DLG2: variants seen among roughly 807,000 people sequenced by gnomAD.
DLG2 encodes discs large MAGUK scaffold protein 2, also known as disks large homolog 2.
A neutral mutation model predicts 132.5 loss-of-function variants in DLG2; 45 were observed. The ratio of observed to expected loss-of-function variants is 0.34; its 90% confidence interval spans 0.27 to 0.44. The LOEUF (loss-of-function observed/expected upper bound fraction) is 0.44. Among genes scored for constraint, DLG2 ranks in the 20% least tolerant of loss-of-function variants. The pLI is 1.00. For synonymous variants in DLG2, 424 were observed against 419.6 expected, an observed-to-expected ratio of 1.01 and a Z score of -0.13; for missense variants, 1,045 against 1,196.9, an observed-to-expected ratio of 0.87 and a Z score of 1.87.
At chr11:83,655,192 A>C (rs1679933175) in intron 18 of DLG2, among the ~76,000 whole-genome samples, 1 of 152,230 alleles carries the variant, frequency 6.6e-6, no homozygotes, top group South Asian at 2.1e-4. Flanking sequence ...TAAAAACATA[A>C]TCTTAACACC....
intron 6 of DLG2, among the ~76,000 whole-genome samples, chr11:85,070,750 T>TCCCA (rs1462903728): frequency 6.6e-6 from 1 of 151,806 alleles, no homozygotes; most frequent in East Asian, 1.9e-4. Context: ...ATGAATCCTC[T>TCCCA]CCCACCTTTT....
intron 11 of DLG2, among the ~76,000 whole-genome samples, chr11:83,991,016 G>T (rs1247723526): frequency 1.3e-5 from 2 of 152,054 alleles, no homozygotes; most frequent in Admixed American, 6.6e-5. Flanking sequence ...TGTAGGAACT[G>T]GTCTACACTG....
At chr11:84,863,444 T>A (rs978306187) in intron 6 of DLG2, among the ~76,000 whole-genome samples, 19 of 152,312 alleles carry the variant, frequency 1.2e-4, no homozygotes, top group African/African-American at 4.6e-4. Flanking sequence ...TATATTAATT[T>A]GTTGTAGAAA....
chr11:84,854,572 C>T (rs1029308702), intron 6 of DLG2, among the ~76,000 whole-genome samples: 3 of 151,954 alleles, frequency 2.0e-5, no homozygotes, highest in African/African-American at 7.2e-5. Flanking sequence ...AACTATTTCC[C>T]AGTTAACCCA....
At chr11:84,697,641 C>T (rs1306677367) in intron 6 of DLG2, among the ~76,000 whole-genome samples, 1 of 151,416 alleles carries the variant, frequency 6.6e-6, no homozygotes, top group Non-Finnish European at 1.5e-5. Flanking sequence ...CACAACAACT[C>T]CTTGAATTGG....
At chr11:84,650,269 A>T (rs184930256) in intron 6 of DLG2, among the ~76,000 whole-genome samples, 2 of 152,120 alleles carry the variant, frequency 1.3e-5, no homozygotes, top group African/African-American at 2.4e-5. Flanking sequence ...CTCCTCCCTC[A>T]TTACTCCACT....
At chr11:84,185,674 T>A in intron 8 of DLG2, among the ~76,000 whole-genome samples, 1 of 152,148 alleles carries the variant, frequency 6.6e-6, no homozygotes, top group Non-Finnish European at 1.5e-5. Context: ...ATGCTTCCAG[T>A]TTTTGCCCAT....
intron 5 of DLG2, among the ~76,000 whole-genome samples, chr11:85,119,337 T>C (rs1170619500): frequency 6.6e-6 from 1 of 152,038 alleles, no homozygotes; most frequent in Non-Finnish European, 1.5e-5. Flanking sequence ...TATGGAGGCA[T>C]GTCCCAATAT....
At chr11:84,666,848 CT>C (rs1323270010) in intron 6 of DLG2, among the ~76,000 whole-genome samples, 1 of 151,974 alleles carries the variant, frequency 6.6e-6, no homozygotes, top group African/African-American at 2.4e-5. Flanking sequence ...AAACACAAAA[CT>C]GGAATCAAAA....
At chr11:83,488,662 T>TAATA (rs1388729351) in intron 21 of DLG2, among the ~76,000 whole-genome samples, 2 of 152,044 alleles carry the variant, frequency 1.3e-5, no homozygotes, top group Non-Finnish European at 2.9e-5. Context: ...GTCATCTTAG[T>TAATA]AATACAGGTG....
intron 8 of DLG2, among the ~76,000 whole-genome samples, chr11:84,237,528 C>T (rs2097173441): frequency 6.6e-6 from 1 of 152,092 alleles, no homozygotes; most frequent in Middle Eastern, 3.2e-3. Flanking sequence ...AAATAAAATA[C>T]TTGGGGGCAA....
chr11:83,601,262 G>T (rs568435549), intron 19 of DLG2, among the ~76,000 whole-genome samples: 1 of 152,148 alleles, frequency 6.6e-6, no homozygotes, highest in East Asian at 1.9e-4. Context: ...ATGCCATGCC[G>T]AAGAGTTGGG....
chr11:83,535,401 C>T lies in DLG2; in HGVS notation c.2118-2618G>A, dbSNP rs2095856399. 2.0e-5 allele frequency among the ~76,000 whole-genome samples: 3 copies of T among 152,184 alleles called. No homozygotes were observed. In the South Asian group the frequency reaches 6.2e-4, roughly 31 times the overall value. On this transcript the variant is annotated intron_variant, in intron 20 of 27. Coordinates refer to ENST00000376104, the MANE Select transcript of DLG2 (RefSeq NM_001142699.3). ...AGAATGTCAGGAGGAACTCAGTATT[C>T]AACTCTCAGAACTGTTTGGACAGAG...
intron 3 of DLG2, among the ~76,000 whole-genome samples, chr11:85,455,949 A>G (rs2092407913): frequency 6.6e-6 from 1 of 152,004 alleles, no homozygotes; most frequent in Admixed American, 6.6e-5. Flanking sequence ...TTTTGCATCT[A>G]TTTTCATCAA....
At chr11:85,575,114 T>C (rs1455194707) in intron 3 of DLG2, among the ~76,000 whole-genome samples, 2 of 151,760 alleles carry the variant, frequency 1.3e-5, no homozygotes, top group Non-Finnish European at 2.9e-5. Context: ...GACCCTATTA[T>C]TATTATTCTC....
chr11:84,310,354 T>C (rs1408695164), intron 7 of DLG2, among the ~76,000 whole-genome samples: 1 of 152,230 alleles, frequency 6.6e-6, no homozygotes, highest in Non-Finnish European at 1.5e-5. Flanking sequence ...AAAATGGAGA[T>C]AACAACATCA....
At chr11:85,566,988 A>G (rs1156618310) in intron 3 of DLG2, among the ~76,000 whole-genome samples, 1 of 152,066 alleles carries the variant, frequency 6.6e-6, no homozygotes, top group African/African-American at 2.4e-5. Context: ...CCACACATGT[A>G]TGGTTTTATT....
At chr11:84,835,846 T>C (rs1389029048) in intron 6 of DLG2, among the ~76,000 whole-genome samples, 1 of 151,810 alleles carries the variant, frequency 6.6e-6, no homozygotes, top group East Asian at 1.9e-4. Flanking sequence ...TGGTAAACAG[T>C]GATCTAAATT....
chr11:84,447,211 G>A (rs1037959711), intron 7 of DLG2, among the ~76,000 whole-genome samples: 9 of 152,074 alleles, frequency 5.9e-5, no homozygotes, highest in Non-Finnish European at 1.2e-4. Flanking sequence ...TTATAAAATG[G>A]GGGTAATAAC....
Sources: gnomAD v4.1 joint callset for allele counts (sites outside exome capture counted in the v4.1 genomes callset) on GRCh38, gnomAD v4.1.1 for gene constraint, MANE v1.5 for transcripts, NCBI Gene and HGNC (gene_info 2026-07-23, HGNC 2026-07-21) for gene names.